Variants in CACNA2D3 observed in about 807,000 individuals in gnomAD.
CACNA2D3 encodes voltage-dependent calcium channel subunit alpha-2/delta-3.
CACNA2D3 carries 60 observed loss-of-function variants against 160.6 expected under a neutral mutation model. The ratio of observed to expected loss-of-function variants is 0.37; its 90% CI spans 0.30 to 0.46. The LOEUF (loss-of-function observed/expected upper bound fraction) is 0.46, where lower values mean the gene tolerates loss of function less well. Among genes scored for constraint, CACNA2D3 ranks in the 20% least tolerant of loss-of-function variants. The pLI is 1.00. For missense variants in CACNA2D3, 1,205 were observed against 1,365.0 expected (o/e 0.88, Z 1.85); for synonymous variants, 558 against 492.9 (o/e 1.13, Z -1.75).
chr3:54,918,723 A>G, intron 27 of CACNA2D3: 3 of 1,614,078 alleles, frequency 1.9e-6, no homozygotes, highest in South Asian at 1.1e-5. Context: ...TGTGGTTCTC[A>G]GGAGGCCTCA....
chr3:55,022,693 A>T (rs1458046353), intron 35 of CACNA2D3, among the ~76,000 whole-genome samples: 2 of 109,446 alleles, frequency 1.8e-5, no homozygotes, highest in Non-Finnish European at 1.8e-5. Flanking sequence ...CATTGGATTG[A>T]TTGGGTTTTT....
intron 14 of CACNA2D3, among the ~76,000 whole-genome samples, chr3:54,824,805 A>G (rs555028427): frequency 4.5e-4 from 69 of 152,224 alleles, no homozygotes; most frequent in Non-Finnish European, 7.2e-4. Flanking sequence ...TGGCAGGGAC[A>G]GTAATATTAT....
At chr3:55,067,239 A>G (rs1704677637) in intron 35 of CACNA2D3, among the ~76,000 whole-genome samples, 1 of 152,146 alleles carries the variant, frequency 6.6e-6, no homozygotes, top group Non-Finnish European at 1.5e-5. Context: ...AAGCATCTGC[A>G]CTGAGTGATC....
intron 2 of CACNA2D3, among the ~76,000 whole-genome samples, chr3:54,288,491 G>A (rs981315596): frequency 3.3e-5 from 5 of 152,204 alleles, no homozygotes; most frequent in African/African-American, 1.2e-4. Context: ...TCTACCAGAA[G>A]TACAAAGAGG....
At position 54,327,591 on chromosome 3, in the gene CACNA2D3, G is replaced by C. The variant is rs188229050; in HGVS notation, c.321+7033G>C. ...TAGTTTTGTGTTTTCTATGTCTACT[G>C]TAGAAGCACCCATGTGTTTTTTAAT... On this transcript the variant is annotated intron_variant, in intron 3 of 37. Transcript: ENST00000474759. Among the ~76,000 whole-genome samples the C allele has an allele frequency of 6.3e-4, 96 of 152,290 alleles. No homozygotes were observed. In the East Asian group the frequency reaches 0.017, roughly 27 times the overall value.
At chr3:54,902,223 C>T (rs142038233) in intron 27 of CACNA2D3, among the ~76,000 whole-genome samples, 172 of 152,294 alleles carry the variant, frequency 1.1e-3, no homozygotes, top group African/African-American at 4.0e-3. Context: ...AGGCCAGCTT[C>T]GCTCCCAGGC....
chr3:54,720,595 A>G (rs1477457555), intron 11 of CACNA2D3, among the ~76,000 whole-genome samples: 1 of 152,096 alleles, frequency 6.6e-6, no homozygotes, highest in Non-Finnish European at 1.5e-5. Flanking sequence ...AGTGTTCCAT[A>G]TATGTCAATG....
chr3:54,522,447 G>A (rs1244175675), intron 5 of CACNA2D3, among the ~76,000 whole-genome samples: 1 of 152,082 alleles, frequency 6.6e-6, no homozygotes, highest in Admixed American at 6.5e-5. Context: ...GAATTTCTAT[G>A]TACAAGCTTA....
chr3:54,461,372 T>C (rs912192993), intron 4 of CACNA2D3, among the ~76,000 whole-genome samples: 3 of 151,360 alleles, frequency 2.0e-5, no homozygotes, highest in East Asian at 1.9e-4. Context: ...TCCTTGTACC[T>C]CTGGTAGAAT....
chr3:54,602,024 T>G (rs1025704222), intron 9 of CACNA2D3, among the ~76,000 whole-genome samples: 1 of 152,040 alleles, frequency 6.6e-6, no homozygotes, highest in African/African-American at 2.4e-5. Flanking sequence ...CTGGTAGGCA[T>G]TTATGTAGAG....
chr3:54,770,134 C>T (rs1702293000), intron 13 of CACNA2D3, among the ~76,000 whole-genome samples: 1 of 152,200 alleles, frequency 6.6e-6, no homozygotes, highest in African/African-American at 2.4e-5. Flanking sequence ...ATAACTTTGC[C>T]ACAAAATATC....
intron 4 of CACNA2D3, among the ~76,000 whole-genome samples, chr3:54,425,690 T>C (rs924003222): frequency 6.6e-6 from 1 of 152,174 alleles, no homozygotes; most frequent in Non-Finnish European, 1.5e-5. Context: ...ATGATCACTT[T>C]TGGGGGAGCT....
chr3:54,327,142 C>G (rs1403217717), intron 3 of CACNA2D3, among the ~76,000 whole-genome samples: 1 of 152,174 alleles, frequency 6.6e-6, no homozygotes, highest in African/African-American at 2.4e-5. Flanking sequence ...GTGGGTTTCA[C>G]CCCAAATGGG....
At chr3:54,395,814 A>G in intron 4 of CACNA2D3, among the ~76,000 whole-genome samples, 1 of 43,236 alleles carries the variant, frequency 2.3e-5, no homozygotes. Context: ...TTTTGGTTCC[A>G]TATGAACTTT....
intron 13 of CACNA2D3, among the ~76,000 whole-genome samples, chr3:54,785,202 G>A (rs1285237849): frequency 2.6e-5 from 4 of 152,206 alleles, no homozygotes; most frequent in African/African-American, 7.2e-5. Context: ...ATATGTTTCT[G>A]CCAAATGTTC....
chr3:54,446,904 A>T (rs1048628234), intron 4 of CACNA2D3, among the ~76,000 whole-genome samples: 41 of 152,038 alleles, frequency 2.7e-4, no homozygotes, highest in Non-Finnish European at 5.1e-4. Flanking sequence ...GTGTCTCTGA[A>T]CTCTCCAGCT....
intron 5 of CACNA2D3, among the ~76,000 whole-genome samples, chr3:54,562,355 A>T (rs1041392429): frequency 6.6e-6 from 1 of 152,196 alleles, no homozygotes; most frequent in Admixed American, 6.5e-5. Context: ...GGGACAAGAG[A>T]AATGGAATAG....
intron 5 of CACNA2D3, among the ~76,000 whole-genome samples, chr3:54,547,599 A>C (rs2106677324): frequency 6.6e-6 from 1 of 151,104 alleles, no homozygotes; most frequent in East Asian, 2.0e-4. Context: ...GAATGGATTC[A>C]GCAGTTTGTC....
chr3:54,821,716 C>G (rs982467245), intron 14 of CACNA2D3, among the ~76,000 whole-genome samples: 23 of 112,856 alleles, frequency 2.0e-4, no homozygotes, highest in African/African-American at 7.7e-4. Flanking sequence ...TTCCTTCTTT[C>G]CTCTCTCTCT....
Sources: gnomAD v4.1 joint callset for allele counts (sites outside exome capture counted in the v4.1 genomes callset) on GRCh38, gnomAD v4.1.1 for gene constraint, MANE v1.5 for transcripts, NCBI Gene and HGNC (gene_info 2026-07-23, HGNC 2026-07-21) for gene names.